Variants in ATF6 observed in about 807,000 individuals in gnomAD.
The protein encoded by ATF6 is cyclic AMP-dependent transcription factor ATF-6 alpha.
ATF6 carries 53 observed loss-of-function variants against 83.6 expected under a neutral mutation model. The ratio of observed to expected loss-of-function variants is 0.63; its 90% CI spans 0.51 to 0.80. The LOEUF (loss-of-function observed/expected upper bound fraction) is 0.80, where lower values mean the gene tolerates loss of function less well. Ranked by LOEUF, ATF6 falls within the 30% of genes least tolerant of loss-of-function variation. ATF6 has a pLI of 0.00. For synonymous variants in ATF6, 288 were observed against 285.8 expected, an observed-to-expected ratio of 1.01 and a Z score of -0.08; for missense variants, 744 against 797.9, an observed-to-expected ratio of 0.93 and a Z score of 0.81.
chr1:161,812,459 C>G (rs1352861316), intron 7 of ATF6, among the ~76,000 whole-genome samples: 1 of 123,936 alleles, frequency 8.1e-6, no homozygotes, highest in Non-Finnish European at 1.6e-5. Flanking sequence ...GTGGCGGGAT[C>G]TCGGCTCACT....
At chr1:161,937,806 G>C (rs1688568491) in intron 15 of ATF6, among the ~76,000 whole-genome samples, 1 of 151,884 alleles carries the variant, frequency 6.6e-6, no homozygotes, top group South Asian at 2.1e-4. Flanking sequence ...AGGTTGATGG[G>C]TGCAGCAAAC....
intron 15 of ATF6, among the ~76,000 whole-genome samples, chr1:161,916,041 C>G (rs942147695): frequency 6.6e-6 from 1 of 152,194 alleles, no homozygotes; most frequent in Admixed American, 6.5e-5. Context: ...ACTGCTTCTA[C>G]TTCCTTACCT....
chr1:161,828,500 G>C (rs1452890474), intron 9 of ATF6, among the ~76,000 whole-genome samples: 2 of 152,084 alleles, frequency 1.3e-5, no homozygotes, highest in Non-Finnish European at 2.9e-5. Context: ...AGTGAGGTGG[G>C]AAGTCACAAC....
At chr1:161,944,905 C>T (rs1437962178) in intron 15 of ATF6, among the ~76,000 whole-genome samples, 1 of 152,170 alleles carries the variant, frequency 6.6e-6, no homozygotes, top group Non-Finnish European at 1.5e-5. Flanking sequence ...ATAAGTCAGG[C>T]CATTGGTTAT....
intron 11 of ATF6, 61 bp downstream of exon 11, chr1:161,851,896 C>G: frequency 8.1e-7 from 1 of 1,228,262 alleles, no homozygotes; most frequent in Non-Finnish European, 1.2e-6. Flanking sequence ...GTTTTGGAAC[C>G]TAGACAAGTA....
intron 9 of ATF6, among the ~76,000 whole-genome samples, chr1:161,838,480 T>TA (rs1361598667): frequency 6.6e-6 from 1 of 152,144 alleles, no homozygotes; most frequent in African/African-American, 2.4e-5. Context: ...CTGGGGTGGC[T>TA]TAGGTTGGAG....
chr1:161,857,519 C>G (rs1686790621), intron 12 of ATF6, among the ~76,000 whole-genome samples: 1 of 151,746 alleles, frequency 6.6e-6, no homozygotes. Flanking sequence ...TAGAGAAAAC[C>G]AAGGGAATTT....
At chr1:161,859,995 T>C (rs748563653) in intron 12 of ATF6, among the ~76,000 whole-genome samples, 1 of 152,112 alleles carries the variant, frequency 6.6e-6, no homozygotes, top group Non-Finnish European at 1.5e-5. Context: ...GAAAGTGCCT[T>C]AAATGCCTTA....
chr1:161,867,245 A>C (rs1687025040), intron 14 of ATF6, among the ~76,000 whole-genome samples: 1 of 152,004 alleles, frequency 6.6e-6, no homozygotes, highest in South Asian at 2.1e-4. Context: ...CAGTGAGCCG[A>C]GATCGCGCCA....
At chr1:161,957,841 A>T (rs1688998068) in intron 15 of ATF6, among the ~76,000 whole-genome samples, 2 of 152,224 alleles carry the variant, frequency 1.3e-5, no homozygotes, top group Admixed American at 1.3e-4. Context: ...TCTGGAAAAG[A>T]GCATAATTGT....
chr1:161,929,876 G>A (rs567851114), intron 15 of ATF6, among the ~76,000 whole-genome samples: 82 of 152,298 alleles, frequency 5.4e-4, no homozygotes, highest in African/African-American at 1.9e-3. Flanking sequence ...GACCCATTTG[G>A]TCTGTGCAGG....
At chr1:161,878,668 G>A (rs897736393) in intron 14 of ATF6, among the ~76,000 whole-genome samples, 6 of 152,010 alleles carry the variant, frequency 3.9e-5, no homozygotes, top group African/African-American at 1.5e-4. Flanking sequence ...AAATAGGAGC[G>A]GTCAGCAAAT....
intron 14 of ATF6, 45 bp downstream of exon 14, chr1:161,863,357 GCC>G: frequency 7.9e-7 from 1 of 1,260,994 alleles, no homozygotes; most frequent in East Asian, 2.3e-5. Context: ...TTGAGTGCTT[GCC>G]GTACACAAGA....
rs376643865 is a variant in ATF6 at position 161,777,323 on chromosome 1, C to A, written c.83-921C>A. Among the ~76,000 whole-genome samples the A allele has an allele frequency of 4.7e-3, 720 of 152,246 alleles. 4 individuals carry two copies. Among genetic ancestry groups the A allele is most frequent in the African/African-American group, 0.016 (685 of 41,546 alleles). ...CTTTTCTGAGAGTCATGTGAGTAAC[C>A]TTTTGTTATTACTACGTATACATTT... On this transcript the variant is annotated intron_variant, in intron 1 of 15. Coordinates refer to ENST00000367942, the MANE Select transcript of ATF6 (RefSeq NM_007348.4).
chr1:161,902,364 A>T (rs1687803742), intron 14 of ATF6, among the ~76,000 whole-genome samples: 1 of 152,224 alleles, frequency 6.6e-6, no homozygotes, highest in South Asian at 2.1e-4. Flanking sequence ...CAACAAGGAT[A>T]TTCTAAACTG....
intron 14 of ATF6, among the ~76,000 whole-genome samples, chr1:161,878,176 T>C (rs764594968): frequency 2.0e-5 from 3 of 152,026 alleles, no homozygotes; most frequent in Non-Finnish European, 2.9e-5. Context: ...TGCAATGGTG[T>C]GATCTCAGCC....
intron 1 of ATF6, among the ~76,000 whole-genome samples, chr1:161,770,460 T>A (rs1387034596): frequency 1.3e-5 from 2 of 152,194 alleles, no homozygotes; most frequent in African/African-American, 4.8e-5. Flanking sequence ...CTTCAGGTTC[T>A]GGTTAGGGCT....
At chr1:161,830,346 C>A (rs1571168982) in intron 9 of ATF6, among the ~76,000 whole-genome samples, 2 of 152,176 alleles carry the variant, frequency 1.3e-5, no homozygotes, top group African/African-American at 4.8e-5. Context: ...TAGGAAGAAT[C>A]AATATCGTGG....
At chr1:161,786,641 A>C (rs190029478) in intron 4 of ATF6, among the ~76,000 whole-genome samples, 75 of 152,228 alleles carry the variant, frequency 4.9e-4, no homozygotes, top group Non-Finnish European at 7.9e-4. Context: ...GTACCTTGCA[A>C]ATAACTTGTT....
Sources: gnomAD v4.1 joint callset for allele counts (sites outside exome capture counted in the v4.1 genomes callset) on GRCh38, gnomAD v4.1.1 for gene constraint, MANE v1.5 for transcripts, NCBI Gene and HGNC (gene_info 2026-07-23, HGNC 2026-07-21) for gene names.